Variants in RYR2 observed in about 807,000 individuals in gnomAD.
RYR2 encodes cardiac muscle ryanodine receptor-calcium release channel.
In RYR2, 227 loss-of-function variants were observed where a neutral mutation model predicts 601.1. The observed-to-expected ratio is 0.38, with a 90% CI of 0.34 to 0.42. RYR2 has a LOEUF of 0.42. Among genes scored for constraint, RYR2 ranks in the 10% least tolerant of loss-of-function variants. The pLI is 1.00. For synonymous variants in RYR2, 2,223 were observed against 2,175.1 expected (o/e 1.02, Z -0.61); for missense variants, 4,646 against 6,156.5 (o/e 0.75, Z 8.21).
intron 35 of RYR2, among the ~76,000 whole-genome samples, chr1:237,608,808 T>G (rs867080288): frequency 0.014 from 2,105 of 151,020 alleles, 55 homozygotes; most frequent in African/African-American, 0.045. Flanking sequence ...TTTTTTTTTT[T>G]TTTTTTTTTT....
intron 1 of RYR2, among the ~76,000 whole-genome samples, chr1:237,245,759 A>G (rs889396280): frequency 1.3e-5 from 2 of 152,132 alleles, no homozygotes; most frequent in Non-Finnish European, 2.9e-5. Context: ...AAGTCACTTT[A>G]TGCCTGCTTG....
At chr1:237,081,204 G>A (rs1358744266) in intron 1 of RYR2, among the ~76,000 whole-genome samples, 3 of 124,874 alleles carry the variant, frequency 2.4e-5, no homozygotes, top group Non-Finnish European at 4.9e-5. Context: ...TGGGTGCAGC[G>A]CACCAGCATG....
At chr1:237,581,074 A>T (rs1405101437) in intron 29 of RYR2, among the ~76,000 whole-genome samples, 1 of 152,224 alleles carries the variant, frequency 6.6e-6, no homozygotes, top group Non-Finnish European at 1.5e-5. Flanking sequence ...ATTTATTCTT[A>T]CGGGAACAGC....
intron 3 of RYR2, among the ~76,000 whole-genome samples, chr1:237,334,035 A>G (rs973842981): frequency 2.6e-5 from 4 of 152,222 alleles, no homozygotes; most frequent in African/African-American, 7.2e-5. Context: ...AACAATACTT[A>G]TACTATTTCA....
intron 27 of RYR2, 113 bp downstream of exon 27, chr1:237,550,804 T>C: frequency 8.6e-7 from 1 of 1,161,296 alleles, no homozygotes; most frequent in Non-Finnish European, 1.2e-6. Context: ...AGTCTAGGTG[T>C]GGAATTTCAG....
chr1:237,383,901 C>A (rs757510308), intron 8 of RYR2, among the ~76,000 whole-genome samples: 49 of 152,266 alleles, frequency 3.2e-4, no homozygotes, highest in Middle Eastern at 6.8e-3. Context: ...GTAAATCCTG[C>A]AGTGGTTACA....
Position 237,773,636 on chromosome 1 carries a change from A to G in RYR2, c.11763A>G (p.Thr3921=), listed in dbSNP as rs1694434725. 2 of 1,612,106 alleles carry G rather than the reference A, an allele frequency of 1.2e-6. No homozygotes were observed. Among genetic ancestry groups the G allele is most frequent in the Non-Finnish European group, 1.7e-6 (2 of 1,178,728 alleles). ...CAAAACAAGTCTTTAACACTCTTAC[A>G]GAGTATATTCAGGTAAACATTTAAA... ...QVAKQVFNTL[T]EYIQGPCTGN... The change falls in exon 87 of 105, where the codon ACA becomes ACG. Residue 3921 remains threonine, a synonymous_variant. Transcript: ENST00000366574.
chr1:237,220,319 C>T (rs1028841746), intron 1 of RYR2, among the ~76,000 whole-genome samples: 1 of 152,208 alleles, frequency 6.6e-6, no homozygotes, highest in African/African-American at 2.4e-5. Flanking sequence ...TTTGGACATC[C>T]CAGTCCGGTT....
intron 13 of RYR2, 115 bp downstream of exon 13, chr1:237,441,598 C>A: frequency 1.0e-6 from 1 of 960,648 alleles, no homozygotes; most frequent in Non-Finnish European, 1.5e-6. Context: ...CATAATTTTG[C>A]AAGTGAAAGG....
intron 32 of RYR2, among the ~76,000 whole-genome samples, chr1:237,593,185 A>G (rs1675423569): frequency 6.6e-6 from 1 of 152,200 alleles, no homozygotes; most frequent in African/African-American, 2.4e-5. Context: ...GCACACACAT[A>G]TATGCTGACC....
chr1:237,274,108 A>T (rs1054855622), intron 2 of RYR2, among the ~76,000 whole-genome samples: 2 of 147,274 alleles, frequency 1.4e-5, no homozygotes, highest in Non-Finnish European at 3.0e-5. Flanking sequence ...GATAATGTAG[A>T]TATATATGAT....
At chr1:237,264,870 AT>A (rs1343659035) in intron 1 of RYR2, among the ~76,000 whole-genome samples, 100 of 141,874 alleles carry the variant, frequency 7.0e-4, no homozygotes, top group East Asian at 8.2e-4. Flanking sequence ...TAATTTTTGT[AT>A]TTTTTTTTTT....
chr1:237,558,619 G>GT (rs1257744696), intron 27 of RYR2, among the ~76,000 whole-genome samples: 1 of 152,090 alleles, frequency 6.6e-6, no homozygotes, highest in Admixed American at 6.6e-5. Flanking sequence ...AAAGTTTACT[G>GT]TACTTCTTAG....
At chr1:237,539,440 T>G (rs901913948) in intron 25 of RYR2, among the ~76,000 whole-genome samples, 3 of 152,248 alleles carry the variant, frequency 2.0e-5, no homozygotes, top group African/African-American at 7.2e-5. Flanking sequence ...GCTGTCTCTT[T>G]TGCATATATT....
chr1:237,677,530 GTCC>G (rs755046013), intron 60 of RYR2, among the ~76,000 whole-genome samples: 1 of 152,118 alleles, frequency 6.6e-6, no homozygotes, highest in African/African-American at 2.4e-5. Context: ...TAAAATTGCT[GTCC>G]TCCTCCTCAT....
chr1:237,265,290 GT>G (rs1688946832), intron 1 of RYR2, among the ~76,000 whole-genome samples: 1 of 152,146 alleles, frequency 6.6e-6, no homozygotes, highest in African/African-American at 2.4e-5. Context: ...AGACCATGCA[GT>G]GCAGAGCCTT....
chr1:237,447,176 G>T (rs776975021), intron 14 of RYR2, among the ~76,000 whole-genome samples: 16 of 152,200 alleles, frequency 1.1e-4, no homozygotes, highest in Non-Finnish European at 1.9e-4. Flanking sequence ...CATTTGGTAG[G>T]TTAATTTAAT....
intron 51 of RYR2, among the ~76,000 whole-genome samples, chr1:237,651,994 A>G (rs513189): frequency 1 from 152,076 of 152,176 alleles, 75,988 homozygotes; most frequent in Middle Eastern, 1. Context: ...CCGAGATCGC[A>G]CCACTGACTC....
chr1:237,743,902 G>A (rs959413666), intron 80 of RYR2, among the ~76,000 whole-genome samples: 1 of 152,122 alleles, frequency 6.6e-6, no homozygotes. Context: ...CCAGCCCTTT[G>A]GATGACAAAC....
Sources: allele counts gnomAD v4.1 joint callset (sites outside exome capture counted in the v4.1 genomes callset), GRCh38; gene constraint gnomAD v4.1.1; transcripts MANE v1.5; gene names NCBI Gene and HGNC (gene_info 2026-07-23, HGNC 2026-07-21).